Variants in HRH2 observed in about 807,000 individuals in gnomAD.
The protein encoded by HRH2 is histamine receptor H2, also known as histamine H2 receptor.
A neutral mutation model predicts 20.1 loss-of-function variants in HRH2; 4 were observed. That is an observed-to-expected ratio of 0.20 (90% CI 0.10 to 0.45). The LOEUF is 0.45. Ranked by LOEUF, HRH2 falls within the 20% of genes least tolerant of loss-of-function variation. HRH2 has a pLI of 0.99. For synonymous variants in HRH2, 197 were observed against 200.7 expected (o/e 0.98, Z 0.16); for missense variants, 250 against 461.6 (o/e 0.54, Z 4.20).
At position 175,681,505 on chromosome 5, in the gene HRH2, G is replaced by C. The variant is rs1324799228; in HGVS notation, c.-525-1204G>C. Among the ~76,000 whole-genome samples the C allele has an allele frequency of 6.6e-6, 1 of 152,236 alleles. No individual in the cohort carries two copies. The highest frequency in any genetic ancestry group is 1.5e-5 in the Non-Finnish European group (1 of 68,044). The stretch of plus-strand genomic sequence containing the variant: ...TGAAAAACCAGGAGGAGCTGGTAGG[G>C]AAGGACTGGGGCGTGGAACAGGGCC... On this transcript the variant is annotated intron_variant, in intron 1 of 2. Transcript: ENST00000636584. This position sits in a 1 kb window ranked among gnomAD's most constrained non-coding sequence, Gnocchi z 4.3.
At chr5:175,667,302 G>C (rs369178296) in intron 1 of HRH2, among the ~76,000 whole-genome samples, 1 of 151,996 alleles carries the variant, frequency 6.6e-6, no homozygotes, top group South Asian at 2.1e-4. Context: ...AAATTAGCTG[G>C]GCGTGGTGGC....
chr5:175,690,201 TG>T (rs1756320053), intron 2 of HRH2, among the ~76,000 whole-genome samples: 1 of 151,984 alleles, frequency 6.6e-6, no homozygotes, highest in African/African-American at 2.4e-5. Context: ...GGGCCCCAGC[TG>T]GCCCCGCCAC....
chr5:175,703,257 A>G (rs887413429), intron 2 of HRH2, among the ~76,000 whole-genome samples: 1 of 152,244 alleles, frequency 6.6e-6, no homozygotes, highest in Non-Finnish European at 1.5e-5. Flanking sequence ...CAGAACAATT[A>G]TCTGACTACA....
intron 2 of HRH2, among the ~76,000 whole-genome samples, chr5:175,705,647 G>T (rs1394154271): frequency 6.6e-6 from 1 of 151,604 alleles, no homozygotes; most frequent in Non-Finnish European, 1.5e-5. Flanking sequence ...ACCCCTACAG[G>T]TAGTGTGCCC....
intron 1 of HRH2, among the ~76,000 whole-genome samples, chr5:175,661,286 C>A (rs1170964285): frequency 1.3e-5 from 2 of 149,210 alleles, no homozygotes; most frequent in African/African-American, 5.2e-5. Context: ...CAGGATGTCT[C>A]CTCCTTGCCA....
intron 1 of HRH2, 67 bp from the exon 2 acceptor site, chr5:175,682,642 A>G (rs686874): frequency 0.11 from 16,813 of 153,338 alleles, 1,840 homozygotes; most frequent in African/African-American, 0.27. Context: ...AGAAGGACAC[A>G]TCTTGAATTG....
chr5:175,689,135 C>T (rs372756296), intron 2 of HRH2, among the ~76,000 whole-genome samples: 3 of 152,138 alleles, frequency 2.0e-5, no homozygotes, highest in Non-Finnish European at 2.9e-5. Flanking sequence ...GCTCTCCTTC[C>T]GTCTGAGAGG....
intron 1 of HRH2, among the ~76,000 whole-genome samples, chr5:175,670,012 C>T (rs1561721657): frequency 6.6e-6 from 1 of 152,174 alleles, no homozygotes; most frequent in African/African-American, 2.4e-5. Context: ...CTCGGGGTGA[C>T]AAACTCTGAT....
At chr5:175,706,843 A>T (rs1756955076) in intron 2 of HRH2, among the ~76,000 whole-genome samples, 1 of 152,234 alleles carries the variant, frequency 6.6e-6, no homozygotes, top group Non-Finnish European at 1.5e-5. Context: ...CATCAGGTGG[A>T]CGCTAAAGGC....
chr5:175,682,284 G>A (rs1756007803), intron 1 of HRH2, among the ~76,000 whole-genome samples: 1 of 152,244 alleles, frequency 6.6e-6, no homozygotes, highest in Non-Finnish European at 1.5e-5. Context: ...CAGCACTTCA[G>A]AGGAGTAGAT....
intron 2 of HRH2, among the ~76,000 whole-genome samples, chr5:175,705,096 A>G (rs978502525): frequency 1.3e-5 from 2 of 152,180 alleles, no homozygotes; most frequent in African/African-American, 4.8e-5. Context: ...AAGACTCAAT[A>G]TTATAAAGAT....
At chr5:175,697,219 T>G (rs931963532) in intron 2 of HRH2, among the ~76,000 whole-genome samples, 34 of 152,076 alleles carry the variant, frequency 2.2e-4, no homozygotes, top group African/African-American at 8.2e-4. Context: ...ATCCCAGCAC[T>G]TTGGCAGGCC....
chr5:175,665,169 G>C lies in HRH2; in HGVS notation c.-526+7014G>C, dbSNP rs989616940. 5.3e-5 allele frequency among the ~76,000 whole-genome samples: 8 copies of C among 152,266 alleles called. No individual in the cohort carries two copies. In the East Asian group the frequency reaches 1.4e-3, roughly 26 times the overall value. Reference sequence around the variant, plus strand: ...AGCTGAGAGGTAGAATCATCTGAAGGGGGTATGGGTTGAAGGAAAGGAAGG... The same window carrying C: ...AGCTGAGAGGTAGAATCATCTGAAGCGGGTATGGGTTGAAGGAAAGGAAGG... On this transcript the variant is annotated intron_variant, in intron 1 of 2. Transcript: ENST00000636584.
At position 175,681,517 on chromosome 5, in the gene HRH2, C is replaced by T. The variant is rs1156259060; in HGVS notation, c.-525-1192C>T. Among the ~76,000 whole-genome samples the T allele has an allele frequency of 6.6e-6, 1 of 152,110 alleles. No homozygotes were observed. Among genetic ancestry groups the T allele is most frequent in the African/African-American group, 2.4e-5 (1 of 41,404 alleles). The stretch of plus-strand genomic sequence containing the variant: ...AGGAGCTGGTAGGGAAGGACTGGGG[C>T]GTGGAACAGGGCCTCAGCTTGTTTC... On this transcript the variant is annotated intron_variant, in intron 1 of 2. Coordinates refer to ENST00000636584, the MANE Select transcript of HRH2 (RefSeq NM_001367711.1). The surrounding 1 kb of genome is among the most constrained non-coding windows in gnomAD (Gnocchi z 4.3).
chr5:175,698,856 G>C (rs1248088330), intron 2 of HRH2, among the ~76,000 whole-genome samples: 1 of 152,228 alleles, frequency 6.6e-6, no homozygotes, highest in Admixed American at 6.5e-5. Flanking sequence ...GGGTGCAAAA[G>C]CGAACCCAGA....
In HRH2 at chr5:175,684,034, G is replaced by A; in HGVS notation, c.801G>A (p.Glu267=). 1 of 1,614,172 alleles carries A rather than the reference G, an allele frequency of 6.2e-7. No homozygotes were observed. Among genetic ancestry groups the A allele is most frequent in the Non-Finnish European group, 8.5e-7 (1 of 1,180,044 alleles). The change falls in exon 2 of 3, where the codon GAG becomes GAA. Residue 267 remains glutamate, a synonymous_variant. Transcript: ENST00000636584. ...TGAGAGGGGATGATGCCATCAATGA[G>A]GTGTTAGAAGCCATCGTTCTGTGGC... The part of the protein sequence containing the change: ...RGLRGDDAIN[E]VLEAIVLWLG...
At chr5:175,671,119 G>GA (rs1239879832) in intron 1 of HRH2, among the ~76,000 whole-genome samples, 1 of 152,246 alleles carries the variant, frequency 6.6e-6, no homozygotes, top group Non-Finnish European at 1.5e-5. Flanking sequence ...GTGCTTTGGG[G>GA]AACTGGAGGA....
In HRH2 at chr5:175,658,075, C is replaced by T. The variant is rs889728130; in HGVS notation, c.-606C>T. 1 of 151,910 alleles carries T rather than the reference C, an allele frequency of 6.6e-6. No individual in the cohort carries two copies. The highest frequency in any genetic ancestry group is 1.5e-5 in the Non-Finnish European group (1 of 68,042). 9.4% of individuals were successfully genotyped at this position (151,910 alleles called of 1,614,324 possible). ...GCCGTGCGCGCGCCGCCCGCTGCAT[C>T]CCTGCCCGGAGCGCAGCCGGCGCGG... On this transcript the variant is annotated 5_prime_UTR_variant, in exon 1 of 3. Transcript: ENST00000636584.
intron 1 of HRH2, among the ~76,000 whole-genome samples, chr5:175,670,784 G>T (rs73806103): frequency 0.078 from 11,903 of 152,262 alleles, 1,626 homozygotes; most frequent in African/African-American, 0.27. Flanking sequence ...GCTGGCCAAA[G>T]ACTGGCCACA....
Sources: allele counts gnomAD v4.1 joint callset (sites outside exome capture counted in the v4.1 genomes callset), GRCh38; gene constraint gnomAD v4.1.1; non-coding constraint Gnocchi (gnomAD v3.1); transcripts MANE v1.5; gene names NCBI Gene and HGNC (gene_info 2026-07-23, HGNC 2026-07-21).